Variants in MRPL37 observed in about 807,000 individuals in gnomAD.
The protein encoded by MRPL37 is large ribosomal subunit protein mL37.
Under a neutral mutation model 44.1 loss-of-function variants are expected in MRPL37, and 34 were observed. That is an observed-to-expected ratio of 0.77 (90% confidence interval 0.59 to 1.03). The LOEUF (loss-of-function observed/expected upper bound fraction) is 1.03, where lower values mean the gene tolerates loss of function less well. MRPL37 is among the 50% of genes least tolerant of loss of function. The pLI is 0.00. For missense variants in MRPL37, 532 were observed against 543.7 expected (o/e 0.98, Z 0.21); for synonymous variants, 212 against 219.5 (o/e 0.97, Z 0.30).
downstream of MRPL37, among the ~76,000 whole-genome samples, chr1:54,224,827 A>G (rs2100526093): frequency 1.3e-5 from 2 of 152,300 alleles, no homozygotes; most frequent in Non-Finnish European, 2.9e-5. Flanking sequence ...ATATCTTGCC[A>G]GCCCCACCTG....
chr1:54,205,229 C>G lies in MRPL37; in HGVS notation c.530+28C>G, dbSNP rs139458279. The G allele has an allele frequency of 1.2e-4, 197 of 1,608,350 alleles. 3 individuals carry two copies. In the Admixed American group the frequency reaches 3.2e-3, roughly 26 times the overall value. Reference sequence around the variant, plus strand: ...AAGTTCCCCCAAGTAAAGAAGATTTCCTACTAATGGATCTTCGAGTCGACC... The same window carrying G: ...AAGTTCCCCCAAGTAAAGAAGATTTGCTACTAATGGATCTTCGAGTCGACC... On this transcript the variant is annotated intron_variant, in intron 2 of 6. Transcript: ENST00000360840.
downstream of MRPL37, among the ~76,000 whole-genome samples, chr1:54,223,193 T>C (rs1570159509): frequency 6.6e-6 from 1 of 152,308 alleles, no homozygotes; most frequent in Non-Finnish European, 1.5e-5. Flanking sequence ...AAGCCCCCAG[T>C]GCTTGTACCC....
intron 3 of MRPL37, among the ~76,000 whole-genome samples, chr1:54,207,042 G>C (rs767426402): frequency 6.6e-6 from 1 of 152,148 alleles, no homozygotes; most frequent in Non-Finnish European, 1.5e-5. Context: ...GTGAGCCACC[G>C]TGCTTGGCCC....
rs545218687 is a variant in MRPL37 at position 54,200,878 on chromosome 1, T to G, written c.346+289T>G. 5.3e-5 allele frequency among the ~76,000 whole-genome samples: 8 copies of G among 152,356 alleles called. No homozygotes were observed. In the South Asian group the frequency reaches 1.7e-3, roughly 32 times the overall value. On this transcript the variant is annotated intron_variant, in intron 1 of 6. Transcript: ENST00000360840. Reference sequence around the variant, plus strand: ...ACTTTGGGCAAATGGCTGGCCATCCTGGGCCTCTATTTCCTGGGAAGTGAA... The same window carrying G: ...ACTTTGGGCAAATGGCTGGCCATCCGGGGCCTCTATTTCCTGGGAAGTGAA...
chr1:54,214,950 G>C (rs1482750331), intron 5 of MRPL37, among the ~76,000 whole-genome samples: 1 of 152,194 alleles, frequency 6.6e-6, no homozygotes. Context: ...GCCCCAGTGT[G>C]GCCCACACTG....
chr1:54,209,843 T>C (rs1229639027), intron 3 of MRPL37, 103 bp from the exon 4 acceptor site: 5 of 1,192,970 alleles, frequency 4.2e-6, no homozygotes, highest in Non-Finnish European at 4.7e-6. Flanking sequence ...ATGATCCACC[T>C]GCCTTGGCCT....
chr1:54,221,387 T>C (rs1023137462), downstream of MRPL37, among the ~76,000 whole-genome samples: 4 of 152,092 alleles, frequency 2.6e-5, no homozygotes, highest in East Asian at 1.9e-4. Flanking sequence ...GTCTTGACTC[T>C]CTCTTTAACA....
At chr1:54,216,648 G>T (rs1644199941) in intron 6 of MRPL37, among the ~76,000 whole-genome samples, 1 of 152,170 alleles carries the variant, frequency 6.6e-6, no homozygotes, top group Admixed American at 6.5e-5. Flanking sequence ...TGTCTGGGAG[G>T]CTTCTTGCCT....
In MRPL37 at chr1:54,200,475, T is replaced by G. The variant is rs1570134017; in HGVS notation, c.232T>G (p.Trp78Gly). The change falls in exon 1 of 7, where the codon TGG (tryptophan) becomes GGG (glycine). Residue 78 changes from tryptophan to glycine, a missense_variant. Trp to Gly is a radical substitution (Grantham distance 184, BLOSUM62 -2). Coordinates refer to ENST00000360840, the MANE Select transcript of MRPL37 (RefSeq NM_016491.4). ...PWLARPIFPP[W>G]DRGYKDPRFY... ...GCTGGCGCGGCCGATCTTTCCGCCC[T>G]GGGACCGCGGCTACAAGGACCCAAG... 6.2e-7 allele frequency: 1 copy of G among 1,614,226 alleles called. No individual in the cohort carries two copies. The highest frequency in any genetic ancestry group is 8.5e-7 in the Non-Finnish European group (1 of 1,180,040).
chr1:54,212,548 C>A lies in MRPL37; in HGVS notation c.880C>A (p.Leu294Met), dbSNP rs758903373. The A allele has an allele frequency of 6.2e-7, 1 of 1,614,076 alleles. No individual in the cohort carries two copies. The highest frequency in any genetic ancestry group is 1.3e-5 in the African/African-American group (1 of 74,932). The change falls in exon 5 of 7, where the codon CTG (leucine) becomes ATG (methionine). Residue 294 changes from leucine (L) to methionine (M), a missense_variant. Transcript: ENST00000360840. Reference protein sequence around the residue: ...PYPYPHTLYLLDKANLRPHRL... With the variant: ...PYPYPHTLYLMDKANLRPHRL... ...CCCCTATCCCCATACCCTGTACTTACTGGACAAAGCCAATTTACGACCACA... is the reference window on the plus strand; with the variant it reads ...CCCCTATCCCCATACCCTGTACTTAATGGACAAAGCCAATTTACGACCACA...
downstream of MRPL37, among the ~76,000 whole-genome samples, chr1:54,224,073 C>T (rs952929925): frequency 6.6e-6 from 1 of 152,216 alleles, no homozygotes; most frequent in Non-Finnish European, 1.5e-5. Flanking sequence ...GCACCCTGAT[C>T]CCATGGCTCT....
chr1:54,210,855 T>G (rs1248675184), intron 4 of MRPL37, among the ~76,000 whole-genome samples: 2 of 152,166 alleles, frequency 1.3e-5, no homozygotes, highest in South Asian at 4.1e-4. Flanking sequence ...AGAGTAGCCT[T>G]TCCCCAACAC....
intron 4 of MRPL37, among the ~76,000 whole-genome samples, 186 bp from the exon 5 acceptor site, chr1:54,212,315 A>G (rs1452801668): frequency 1.3e-5 from 2 of 152,252 alleles, no homozygotes; most frequent in Non-Finnish European, 2.9e-5. Flanking sequence ...TTACAAAAAT[A>G]GGTAGCAGGC....
chr1:54,210,592 T>C (rs1038268231), intron 4 of MRPL37, among the ~76,000 whole-genome samples: 1 of 152,016 alleles, frequency 6.6e-6, no homozygotes, highest in Non-Finnish European at 1.5e-5. Context: ...TAATCCAAAC[T>C]CCATCAAGCA....
downstream of MRPL37, among the ~76,000 whole-genome samples, chr1:54,224,660 C>T (rs578109362): frequency 1.2e-4 from 18 of 151,614 alleles, no homozygotes; most frequent in African/African-American, 3.9e-4. Flanking sequence ...CCACCCACCA[C>T]GGCATCCGCT....
At chr1:54,225,267 A>AC (rs1570163266), downstream of MRPL37, 3 of 1,234,172 alleles carry the variant, frequency 2.4e-6, no homozygotes, top group Admixed American at 4.2e-5. Context: ...TCGCGACTCC[A>AC]CAAGAACACA....
intron 3 of MRPL37, among the ~76,000 whole-genome samples, chr1:54,208,919 C>T (rs1440548432): frequency 2.0e-5 from 3 of 151,982 alleles, no homozygotes; most frequent in Non-Finnish European, 4.4e-5. Flanking sequence ...GCTAAACATC[C>T]CACAGTACAC....
chr1:54,218,634 G>C (rs1644214157), downstream of MRPL37, among the ~76,000 whole-genome samples: 1 of 152,216 alleles, frequency 6.6e-6, no homozygotes, highest in Non-Finnish European at 1.5e-5. Flanking sequence ...TGGTCACTAG[G>C]TTCTTATGGC....
At chr1:54,210,361 CT>C (rs1644155392) in intron 4 of MRPL37, among the ~76,000 whole-genome samples, 1 of 152,122 alleles carries the variant, frequency 6.6e-6, no homozygotes, top group South Asian at 2.1e-4. Flanking sequence ...ACTAACTTTA[CT>C]TTTTACCTTG....
Sources: allele counts gnomAD v4.1 joint callset (sites outside exome capture counted in the v4.1 genomes callset), GRCh38; gene constraint gnomAD v4.1.1; transcripts MANE v1.5; gene names NCBI Gene and HGNC (gene_info 2026-07-23, HGNC 2026-07-21).